The following ADAMTSL4 variants were observed in gnomAD, a reference collection of about 807,000 sequenced individuals.
The protein encoded by ADAMTSL4 is ADAMTS like 4.
ADAMTSL4 carries 97 observed loss-of-function variants against 122.8 expected under a neutral mutation model. The ratio of observed to expected loss-of-function variants is 0.79; its 90% CI spans 0.67 to 0.93. The LOEUF is 0.93. Ranked by LOEUF, ADAMTSL4 falls within the 40% of genes least tolerant of loss-of-function variation. The pLI, the probability that ADAMTSL4 is intolerant of heterozygous loss-of-function variation, is 0.00. For synonymous variants in ADAMTSL4, 592 were observed against 568.0 expected (o/e 1.04, Z -0.60); for missense variants, 1,408 against 1,453.5 (o/e 0.97, Z 0.51).
Position 150,554,481 on chromosome 1 carries a change from C to T in ADAMTSL4, c.1234+14C>T. On this transcript the variant is annotated intron_variant, in intron 7 of 18. Transcript: ENST00000271643. This position sits in a 1 kb window ranked among gnomAD's most constrained non-coding sequence, Gnocchi z 4.0. ...CCTTCACTGAAGGTGAGGTTTCTTGCTCACCCCTGGGCAGTGGTGGCTTGG... is the reference window on the plus strand; with the variant it reads ...CCTTCACTGAAGGTGAGGTTTCTTGTTCACCCCTGGGCAGTGGTGGCTTGG... 6.2e-7 allele frequency: 1 copy of T among 1,614,064 alleles called. No homozygotes were observed. Among genetic ancestry groups the T allele is most frequent in the Non-Finnish European group, 8.5e-7 (1 of 1,179,946 alleles).
At position 150,559,584 on chromosome 1, in the gene ADAMTSL4, T is replaced by C; in HGVS notation, c.2943+118T>C. On this transcript the variant is annotated intron_variant, in intron 17 of 18. Coordinates refer to ENST00000271643, the MANE Select transcript of ADAMTSL4 (RefSeq NM_019032.6). The surrounding 1 kb of genome is among the most constrained non-coding windows in gnomAD (Gnocchi z 4.1). ...GCCCCAGAATAAGCCCAGCCAAGCG[T>C]TACCACTGTCCTACTTCTTATAGAC... is the stretch of plus-strand genomic sequence containing the variant. The C allele has an allele frequency of 6.4e-7, 1 of 1,560,490 alleles. No homozygotes were observed. The highest frequency in any genetic ancestry group is 8.7e-7 in the Non-Finnish European group (1 of 1,146,054).
chr1:150,557,387 C>G, intron 12 of ADAMTSL4, 52 bp downstream of exon 12: 1 of 1,602,636 alleles, frequency 6.2e-7, no homozygotes, highest in South Asian at 1.1e-5. Context: ...CCCCAACTGA[C>G]ACTCCCGCAT....
Position 150,556,270 on chromosome 1 carries a change from C to G in ADAMTSL4, c.1480C>G (p.Arg494Gly), listed in dbSNP as rs1471582038. 1 of 1,614,100 alleles carries G rather than the reference C, an allele frequency of 6.2e-7. No homozygotes were observed. Among genetic ancestry groups the G allele is most frequent in the Non-Finnish European group, 8.5e-7 (1 of 1,180,020 alleles). ...CCTTGTTTCGGGGAACCTCACTGAC[C>G]GAGGGGGCCCCCTGGGCTATCAGAA... Reference protein sequence around the residue: ...CRLVSGNLTDRGGPLGYQKIL... With the variant: ...CRLVSGNLTDGGGPLGYQKIL... Residue 494 changes from arginine to glycine, a missense_variant, in exon 9 of 19, where the codon CGA becomes GGA. Arg to Gly is a moderately radical substitution (Grantham distance 125). Coordinates refer to ENST00000271643, the MANE Select transcript of ADAMTSL4 (RefSeq NM_019032.6). The surrounding 1 kb of genome is among the most constrained non-coding windows in gnomAD (Gnocchi z 4.1).
In ADAMTSL4 at chr1:150,550,126, G is replaced by A. The variant is rs2101523830; in HGVS notation, c.-85+231G>A. 3 of 426,502 alleles carry A rather than the reference G, an allele frequency of 7.0e-6. No individual in the cohort carries two copies. In the Middle Eastern group the frequency reaches 1.0e-3, roughly 147 times the overall value. 26.4% of individuals were successfully genotyped at this position (426,502 alleles called of 1,614,324 possible). A position where few individuals can be genotyped will look rare whatever the true frequency, so the allele number is the denominator to read the frequency against. ...AGCCCTGCGCAGGTCTCTGTTCCTTGGTCTTCACTGGGCAGTGTGGAGAGG... is the reference window on the plus strand; with the variant it reads ...AGCCCTGCGCAGGTCTCTGTTCCTTAGTCTTCACTGGGCAGTGTGGAGAGG... On this transcript the variant is annotated intron_variant, in intron 2 of 18. Coordinates refer to ENST00000271643, the MANE Select transcript of ADAMTSL4 (RefSeq NM_019032.6).
At position 150,558,826 on chromosome 1, in the gene ADAMTSL4, C is replaced by T. The variant is rs587764546; in HGVS notation, c.2560-136C>T. ...CATGAGGGGCCCGGCTAGGATTCCT[C>T]GTCCGGGCCTGGTACCCGGGGACAT... On this transcript the variant is annotated intron_variant, in intron 15 of 18. Coordinates refer to ENST00000271643, the MANE Select transcript of ADAMTSL4 (RefSeq NM_019032.6). 7.7e-5 allele frequency: 119 copies of T among 1,539,308 alleles called. No homozygotes were observed. The East Asian group carries it at 2.5e-3, about 32-fold the overall frequency.
intron 14 of ADAMTSL4, 155 bp from the exon 15 acceptor site, chr1:150,558,318 C>G: frequency 5.3e-6 from 8 of 1,511,296 alleles, no homozygotes; most frequent in Non-Finnish European, 6.2e-6. Flanking sequence ...ACTGGGGGCC[C>G]AGGGCCCTAG....
rs368789447 is a variant in ADAMTSL4 at position 150,559,787 on chromosome 1, G to A, written c.2970G>A (p.Thr990=). The A allele has an allele frequency of 5.0e-5, 81 of 1,613,988 alleles. No homozygotes were observed. The highest frequency in any genetic ancestry group is 3.3e-4 in the Middle Eastern group (2 of 6,062). ...SPCSRSCQGG[T]QTREVQCLST... ...GTTCTCGCTCCTGCCAAGGGGGAAC[G>A]CAGACACGGGAGGTCCAGTGCCTGA... is the stretch of plus-strand genomic sequence containing the variant. Residue 990 remains threonine, a synonymous_variant, in exon 18 of 19, where the codon ACG becomes ACA. Transcript: ENST00000271643. The surrounding 1 kb of genome is among the most constrained non-coding windows in gnomAD (Gnocchi z 4.1).
In ADAMTSL4 at chr1:150,554,249, C is replaced by A; in HGVS notation, c.1132-116C>A. ...GCCTTGGCATCTGACCACCTCAGGG[C>A]AGGGGTCTTGGAGCTCTTCCGCTGA... On this transcript the variant is annotated intron_variant, in intron 6 of 18. Transcript: ENST00000271643. The surrounding 1 kb of genome is among the most constrained non-coding windows in gnomAD (Gnocchi z 4.0). 2.1e-6 allele frequency: 3 copies of A among 1,433,430 alleles called. No individual in the cohort carries two copies. The highest frequency in any genetic ancestry group is 1.9e-6 in the Non-Finnish European group (2 of 1,026,930). The allele number at this position is 1,433,430 out of a possible 1,614,324, so 88.8% of individuals were successfully genotyped here. A position where few individuals can be genotyped will look rare whatever the true frequency, so the allele number is the denominator to read the frequency against.
At chr1:150,550,736 C>T (rs750520778) in intron 2 of ADAMTSL4, 24 of 456,316 alleles carry the variant, frequency 5.3e-5, no homozygotes, top group Non-Finnish European at 9.7e-5. Flanking sequence ...CCGGCCCAGC[C>T]AGGGGAAGGA....
Position 150,556,915 on chromosome 1 carries a change from T to C in ADAMTSL4, c.1750-24T>C. 2 of 1,611,360 alleles carry C rather than the reference T, an allele frequency of 1.2e-6. No homozygotes were observed. Among genetic ancestry groups the C allele is most frequent in the Non-Finnish European group, 1.7e-6 (2 of 1,177,550 alleles). ...ATCCTCTTCTGGCCACCCCCACATA[T>C]TCATTATCTTCTCTTCTCCCCAGAT... On this transcript the variant is annotated intron_variant, in intron 10 of 18. Coordinates refer to ENST00000271643, the MANE Select transcript of ADAMTSL4 (RefSeq NM_019032.6). This position sits in a 1 kb window ranked among gnomAD's most constrained non-coding sequence, Gnocchi z 4.1.
chr1:150,553,841 C>G lies in ADAMTSL4; in HGVS notation c.850C>G (p.Pro284Ala). The G allele has an allele frequency of 6.2e-7, 1 of 1,614,082 alleles. No individual in the cohort carries two copies. The highest frequency in any genetic ancestry group is 8.5e-7 in the Non-Finnish European group (1 of 1,180,002). Residue 284 changes from proline (P) to alanine (A), a missense_variant, in exon 6 of 19, where the codon CCA (proline) becomes GCA (alanine). Pro to Ala is a conservative substitution (Grantham distance 27). Coordinates refer to ENST00000271643, the MANE Select transcript of ADAMTSL4 (RefSeq NM_019032.6). ...FFRASPQPRR[P>A]SSQGWASPQV... The stretch of plus-strand genomic sequence containing the variant: ...CCGTGCATCCCCTCAGCCACGAAGG[C>G]CAAGTTCCCAGGGTTGGGCCAGTCC...
rs145639662 is a variant in ADAMTSL4, at chr1:150,554,375, C to A, written c.1142C>A (p.Pro381His). 1.9e-6 allele frequency: 3 copies of A among 1,613,210 alleles called. No individual in the cohort carries two copies. Among genetic ancestry groups the A allele is most frequent in the African/African-American group, 2.7e-5 (2 of 74,882 alleles). The change falls in exon 7 of 19, where the codon CCT becomes CAT. Residue 381 changes from proline to histidine, a missense_variant. Pro to His is a moderately conservative substitution (Grantham distance 77, BLOSUM62 -2). Transcript: ENST00000271643. This position sits in a 1 kb window ranked among gnomAD's most constrained non-coding sequence, Gnocchi z 4.0. Reference sequence around the variant, plus strand: ...TACCCCTCACCGCAGCCCTGCCCCCCTGAGCAGCCAGACCCCCGGGCCCTG... The same window carrying A: ...TACCCCTCACCGCAGCCCTGCCCCCATGAGCAGCCAGACCCCCGGGCCCTG... ...LRACSQAPCP[P>H]EQPDPRALQC...
At chr1:150,555,871 G>A in intron 8 of ADAMTSL4, 1 of 597,692 alleles carries the variant, frequency 1.7e-6, no homozygotes, top group Admixed American at 2.7e-5. Flanking sequence ...ATGAACACAT[G>A]CACACATGCA....
intron 5 of ADAMTSL4, 82 bp from the exon 6 acceptor site, chr1:150,553,344 T>C: frequency 1.2e-6 from 2 of 1,605,662 alleles, no homozygotes; most frequent in Non-Finnish European, 1.7e-6. Flanking sequence ...AGAGGGCTTG[T>C]CTTTGGTGCC....
chr1:150,555,335 GACCTGGGCA>G, intron 7 of ADAMTSL4, 85 bp from the exon 8 acceptor site: 13 of 1,517,228 alleles, frequency 8.6e-6, no homozygotes, highest in Non-Finnish European at 1.2e-5. Context: ...CATCCACAGT[GACCTGGGCA>G]ACCTCAAGGT....
At position 150,553,645 on chromosome 1, in the gene ADAMTSL4, A is replaced by C. The variant is rs1671675593; in HGVS notation, c.654A>C (p.Glu218Asp). Reference protein sequence around the residue: ...GSPQTELPPTELSVHTPSPQA... With the variant: ...GSPQTELPPTDLSVHTPSPQA... Reference sequence around the variant, plus strand: ...CCCAAACTGAGCTCCCTCCCACAGAACTGTCTGTCCACACCCCATCCCCCC... The same window carrying C: ...CCCAAACTGAGCTCCCTCCCACAGACCTGTCTGTCCACACCCCATCCCCCC... The change falls in exon 6 of 19, where the codon GAA becomes GAC. Residue 218 changes from glutamate (E) to aspartate (D), a missense_variant. Coordinates refer to ENST00000271643, the MANE Select transcript of ADAMTSL4 (RefSeq NM_019032.6). 6.2e-7 allele frequency: 1 copy of C among 1,613,286 alleles called. No individual in the cohort carries two copies. Among genetic ancestry groups the C allele is most frequent in the Admixed American group, 1.7e-5 (1 of 59,936 alleles).
Position 150,557,609 on chromosome 1 carries a change from C to G in ADAMTSL4, c.2163C>G (p.Thr721=). Residue 721 remains threonine, a synonymous_variant, in exon 13 of 19, where the codon ACC becomes ACG. Coordinates refer to ENST00000271643, the MANE Select transcript of ADAMTSL4 (RefSeq NM_019032.6). The part of the protein sequence containing the change: ...PPASPEPCHG[T]PCPPYWEAGE... ...CCTCCCCTGAACCCTGCCACGGCAC[C>G]CCATGCCCCCCATAGTGAGTATGGG... The G allele has an allele frequency of 6.3e-7, 1 of 1,599,920 alleles. No homozygotes were observed. The highest frequency in any genetic ancestry group is 1.1e-5 in the South Asian group (1 of 89,442).
chr1:150,559,170 G>C lies in ADAMTSL4; in HGVS notation c.2763+5G>C, dbSNP rs1672534658. 1 of 1,612,238 alleles carries C rather than the reference G, an allele frequency of 6.2e-7. No homozygotes were observed. The highest frequency in any genetic ancestry group is 8.5e-7 in the Non-Finnish European group (1 of 1,179,550). On this transcript the variant is annotated splice_donor_5th_base_variant and intron_variant, in intron 16 of 18. Transcript: ENST00000271643. The surrounding 1 kb of genome is among the most constrained non-coding windows in gnomAD (Gnocchi z 4.1). ...TACACAGGGCCCTGGGGTGAGGTAA[G>C]CTGAGCGCCTGCTGAGAGCAGGAAG...
At chr1:150,555,686 C>G (rs969951802) in intron 8 of ADAMTSL4, 121 bp downstream of exon 8, 37 of 1,383,972 alleles carry the variant, frequency 2.7e-5, no homozygotes, top group Non-Finnish European at 3.5e-5. Flanking sequence ...AGCACATACA[C>G]ACACGCATAT....
Sources: allele counts gnomAD v4.1 joint callset, GRCh38; gene constraint gnomAD v4.1.1; non-coding constraint Gnocchi (gnomAD v3.1); transcripts MANE v1.5; gene names NCBI Gene and HGNC (gene_info 2026-07-23, HGNC 2026-07-21).